Variants in WDPCP observed in about 807,000 individuals in gnomAD.
WDPCP encodes WD repeat-containing and planar cell polarity effector protein fritz homolog.
A neutral mutation model predicts 93.1 loss-of-function variants in WDPCP; 71 were observed. That is an observed-to-expected ratio of 0.76 (90% confidence interval 0.63 to 0.93). The LOEUF (loss-of-function observed/expected upper bound fraction) is 0.93, where lower values mean the gene tolerates loss of function less well. WDPCP is among the 40% of genes least tolerant of loss of function. The pLI, the probability that WDPCP is intolerant of heterozygous loss-of-function variation, is 0.00. For synonymous variants in WDPCP, 315 were observed against 315.0 expected (o/e 1.00, Z 0.00); for missense variants, 844 against 887.4 (o/e 0.95, Z 0.62).
chr2:63,776,944 G>T (rs975076474), intron 2 of WDPCP, among the ~76,000 whole-genome samples: 2 of 152,088 alleles, frequency 1.3e-5, no homozygotes, highest in Non-Finnish European at 2.9e-5. Flanking sequence ...GGAAGAGGTT[G>T]GTCAATGAGT....
At chr2:63,305,525 C>T (rs757267100) in intron 13 of WDPCP, among the ~76,000 whole-genome samples, 7 of 152,124 alleles carry the variant, frequency 4.6e-5, no homozygotes, top group Non-Finnish European at 7.4e-5. Flanking sequence ...ACAAAAAAGA[C>T]GTCCACACAA....
At chr2:63,203,374 C>A (rs1418762808) in intron 14 of WDPCP, among the ~76,000 whole-genome samples, 1 of 152,100 alleles carries the variant, frequency 6.6e-6, no homozygotes, top group Non-Finnish European at 1.5e-5. Flanking sequence ...TGACTAAAGT[C>A]ACCCTGCTGT....
rs543408729 is a variant in WDPCP, at chr2:63,222,510, G to GT, written c.1915+36796dup. On this transcript the variant is annotated intron_variant, in intron 14 of 17. Transcript: ENST00000272321. ...TTTCACCTGCAGTTCTGGTGACAACGTAACTCCTCTGTCTCCTCATCTGAG... is the reference window on the plus strand; with the variant it reads ...TTTCACCTGCAGTTCTGGTGACAACGTTAACTCCTCTGTCTCCTCATCTGAG... 3.0e-4 allele frequency among the ~76,000 whole-genome samples: 45 copies of GT among 152,316 alleles called. 1 individual carries two copies. The highest frequency in any genetic ancestry group is 1.1e-3 in the African/African-American group (45 of 41,572).
chr2:63,758,094 G>T (rs1397073860), intron 2 of WDPCP, among the ~76,000 whole-genome samples: 40 of 141,816 alleles, frequency 2.8e-4, no homozygotes, highest in Middle Eastern at 3.3e-3. Context: ...AGTGTTGTTG[G>T]TTTTTTTTTT....
At chr2:63,450,371 C>T (rs896250214) in intron 6 of WDPCP, among the ~76,000 whole-genome samples, 1 of 152,170 alleles carries the variant, frequency 6.6e-6, no homozygotes, top group Non-Finnish European at 1.5e-5. Context: ...ACTGCAGCCA[C>T]AGCCAACACC....
chr2:63,826,985 G>A (rs945382173), intron 1 of WDPCP, among the ~76,000 whole-genome samples: 3 of 152,022 alleles, frequency 2.0e-5, no homozygotes, highest in African/African-American at 7.2e-5. Flanking sequence ...CCCATCTTTT[G>A]AAAAATCTTC....
At chr2:63,836,711 G>A in the WDPCP span, among the ~76,000 whole-genome samples, 3 of 152,076 alleles carry the variant, frequency 2.0e-5, no homozygotes, top group African/African-American at 4.8e-5. Flanking sequence ...TTTTGCACAT[G>A]AGAGAAATAC....
chr2:63,219,156 A>T (rs1299096889), intron 14 of WDPCP, among the ~76,000 whole-genome samples: 4 of 152,212 alleles, frequency 2.6e-5, no homozygotes, highest in Non-Finnish European at 4.4e-5. Flanking sequence ...TACGAGCCAA[A>T]ACATAGGAAC....
intron 6 of WDPCP, among the ~76,000 whole-genome samples, chr2:63,449,871 C>G (rs1164630242): frequency 6.6e-6 from 1 of 152,198 alleles, no homozygotes; most frequent in Non-Finnish European, 1.5e-5. Context: ...CACATCCTAA[C>G]AGCTTCCACT....
At chr2:63,495,475 G>A (rs1365169391) in intron 1 of WDPCP, among the ~76,000 whole-genome samples, 1 of 152,150 alleles carries the variant, frequency 6.6e-6, no homozygotes, top group Non-Finnish European at 1.5e-5. Context: ...GTAAACTGCA[G>A]ACTTTTCATA....
chr2:63,653,779 C>T (rs1405407509), intron 2 of WDPCP, among the ~76,000 whole-genome samples: 5 of 151,980 alleles, frequency 3.3e-5, no homozygotes, highest in Admixed American at 1.3e-4. Context: ...GGTGTAATGG[C>T]GGTGCCTATA....
At chr2:63,811,651 T>C (rs935683941) in intron 2 of WDPCP, among the ~76,000 whole-genome samples, 9 of 151,504 alleles carry the variant, frequency 5.9e-5, no homozygotes, top group African/African-American at 2.2e-4. Context: ...TGTGCAGGTA[T>C]GTTACCTGGG....
upstream of WDPCP, chr2:63,588,999 A>C: frequency 1.9e-6 from 3 of 1,614,144 alleles, no homozygotes; most frequent in Non-Finnish European, 2.5e-6. Flanking sequence ...TGACTCTCTG[A>C]GGCTCATTTT....
intron 9 of WDPCP, among the ~76,000 whole-genome samples, chr2:63,419,095 A>G (rs112413191): frequency 3.6e-4 from 55 of 152,340 alleles, no homozygotes; most frequent in East Asian, 2.3e-3. Flanking sequence ...GGATTTCCCA[A>G]TTTCAAAGAT....
At chr2:63,529,041 C>T (rs1703596085) in intron 1 of WDPCP, among the ~76,000 whole-genome samples, 1 of 152,202 alleles carries the variant, frequency 6.6e-6, no homozygotes. Context: ...ATAAGAATGA[C>T]TGTGATTTTT....
intron 13 of WDPCP, among the ~76,000 whole-genome samples, chr2:63,310,995 A>G (rs1028629437): frequency 6.6e-6 from 1 of 152,154 alleles, no homozygotes; most frequent in Non-Finnish European, 1.5e-5. Flanking sequence ...GTAACTTCCT[A>G]TTGCTTTTGA....
chr2:63,818,829 T>A (rs1358067949), intron 1 of WDPCP, among the ~76,000 whole-genome samples: 3 of 152,122 alleles, frequency 2.0e-5, no homozygotes, highest in Admixed American at 1.3e-4. Flanking sequence ...AGGGTCAAAT[T>A]AATGGTTACT....
intron 2 of WDPCP, among the ~76,000 whole-genome samples, chr2:63,699,845 A>G (rs558774763): frequency 1.1e-3 from 167 of 152,314 alleles, no homozygotes; most frequent in Middle Eastern, 3.4e-3. Flanking sequence ...GACAAAACAC[A>G]GTTAACTGGG....
chr2:63,268,046 T>C (rs1296844276), intron 13 of WDPCP, among the ~76,000 whole-genome samples: 1 of 152,212 alleles, frequency 6.6e-6, no homozygotes, highest in Admixed American at 6.5e-5. Context: ...TTTTTCACAA[T>C]AGCCAAGTTA....
Sources: gnomAD v4.1 joint callset for allele counts (sites outside exome capture counted in the v4.1 genomes callset) on GRCh38, gnomAD v4.1.1 for gene constraint, MANE v1.5 for transcripts, NCBI Gene and HGNC (gene_info 2026-07-23, HGNC 2026-07-21) for gene names.